Variants in CNTNAP2 observed in about 807,000 individuals in gnomAD.
The protein encoded by CNTNAP2 is contactin-associated protein-like 2.
In CNTNAP2, 98 loss-of-function variants were observed where a neutral mutation model predicts 155.2. That is an observed-to-expected ratio of 0.63 (90% CI 0.54 to 0.75). The LOEUF is 0.75. Ranked by LOEUF, CNTNAP2 falls within the 30% of genes least tolerant of loss-of-function variation. The pLI, the probability that CNTNAP2 is intolerant of heterozygous loss-of-function variation, is 0.00. For missense variants in CNTNAP2, 1,727 were observed against 1,688.1 expected, an observed-to-expected ratio of 1.02 and a Z score of -0.40; for synonymous variants, 651 against 631.2, an observed-to-expected ratio of 1.03 and a Z score of -0.47.
intron 3 of CNTNAP2, among the ~76,000 whole-genome samples, chr7:147,036,693 G>C (rs1799156655): frequency 6.6e-6 from 1 of 152,036 alleles, no homozygotes; most frequent in African/African-American, 2.4e-5. Flanking sequence ...CATTTTTTAT[G>C]TATCTGCAAA....
intron 13 of CNTNAP2, among the ~76,000 whole-genome samples, chr7:147,842,587 C>CTTTTTTTTTTT (rs3055146): frequency 8.3e-5 from 7 of 84,400 alleles, no homozygotes; most frequent in East Asian, 7.8e-4. Context: ...TTTTACTTTT[C>CTTTTTTTTTTT]TTTTTTTTTT....
intron 1 of CNTNAP2, among the ~76,000 whole-genome samples, chr7:146,670,970 T>G (rs1800293378): frequency 6.6e-6 from 1 of 152,108 alleles, no homozygotes; most frequent in African/African-American, 2.4e-5. Context: ...ACCTGTTCAC[T>G]TCAATAGTGG....
chr7:147,836,245 G>T (rs143037053), intron 13 of CNTNAP2, among the ~76,000 whole-genome samples: 1 of 152,016 alleles, frequency 6.6e-6, no homozygotes, highest in Non-Finnish European at 1.5e-5. Flanking sequence ...CACACGTAAC[G>T]GCTCCCCTAA....
At chr7:147,452,902 A>G (rs1024631773) in intron 10 of CNTNAP2, among the ~76,000 whole-genome samples, 1 of 151,814 alleles carries the variant, frequency 6.6e-6, no homozygotes, top group African/African-American at 2.4e-5. Context: ...CAAAGAATAT[A>G]AAGGAATGAG....
chr7:147,166,502 A>G (rs1166514847), intron 8 of CNTNAP2, among the ~76,000 whole-genome samples: 1 of 152,156 alleles, frequency 6.6e-6, no homozygotes, highest in East Asian at 1.9e-4. Context: ...GAACTTACTC[A>G]TGTACCAAAT....
chr7:146,812,827 G>C (rs1001524136), intron 2 of CNTNAP2, among the ~76,000 whole-genome samples: 6 of 152,160 alleles, frequency 3.9e-5, no homozygotes, highest in Non-Finnish European at 8.8e-5. Flanking sequence ...TCCTGGACTG[G>C]ACCCAGGGTC....
intron 14 of CNTNAP2, among the ~76,000 whole-genome samples, chr7:147,954,749 T>C (rs1800991252): frequency 6.6e-6 from 1 of 152,208 alleles, no homozygotes; most frequent in South Asian, 2.1e-4. Context: ...GTGTTCAGTA[T>C]CCAAAGTGTG....
chr7:146,343,326 T>G (rs1295272675), intron 1 of CNTNAP2, among the ~76,000 whole-genome samples: 1 of 152,164 alleles, frequency 6.6e-6, no homozygotes, highest in Non-Finnish European at 1.5e-5. Context: ...CAAGAGTGAC[T>G]TAATTTCACA....
At chr7:147,379,308 T>A (rs1486793564) in intron 9 of CNTNAP2, among the ~76,000 whole-genome samples, 5 of 152,104 alleles carry the variant, frequency 3.3e-5, no homozygotes, top group Admixed American at 3.3e-4. Context: ...TATTTCTCAA[T>A]CCCCAAATTT....
At chr7:146,644,387 G>A (rs1232988058) in intron 1 of CNTNAP2, among the ~76,000 whole-genome samples, 1 of 152,068 alleles carries the variant, frequency 6.6e-6, no homozygotes, top group Non-Finnish European at 1.5e-5. Flanking sequence ...TTTGTCAAAG[G>A]CCTGTTCTGC....
chr7:147,776,156 C>T (rs1480489600), intron 13 of CNTNAP2, among the ~76,000 whole-genome samples: 3 of 152,032 alleles, frequency 2.0e-5, no homozygotes, highest in Non-Finnish European at 4.4e-5. Flanking sequence ...TGATTTAAAA[C>T]AGTTGATCTC....
At chr7:147,678,900 A>T (rs1358642138) in intron 13 of CNTNAP2, among the ~76,000 whole-genome samples, 1 of 151,902 alleles carries the variant, frequency 6.6e-6, no homozygotes, top group Non-Finnish European at 1.5e-5. Context: ...TTTGGAAGAA[A>T]CTAAAAGAAA....
chr7:146,733,749 C>G (rs943289389), intron 1 of CNTNAP2, among the ~76,000 whole-genome samples: 1 of 151,922 alleles, frequency 6.6e-6, no homozygotes, highest in Non-Finnish European at 1.5e-5. Context: ...AGGAGCCAGA[C>G]AAGACTTGAG....
chr7:148,217,171 C>T (rs1795654347), intron 18 of CNTNAP2, 117 bp from the exon 19 acceptor site: 2 of 911,612 alleles, frequency 2.2e-6, no homozygotes, highest in Non-Finnish European at 1.8e-6. Flanking sequence ...ATAGAACTTA[C>T]TCAGATGCCC....
intron 15 of CNTNAP2, among the ~76,000 whole-genome samples, chr7:148,092,308 A>AATCC (rs1386781580): frequency 6.6e-6 from 1 of 152,172 alleles, no homozygotes; most frequent in Non-Finnish European, 1.5e-5. Flanking sequence ...ATCATACATC[A>AATCC]ATCCACACAG....
chr7:147,188,937 G>T (rs987419), intron 8 of CNTNAP2, among the ~76,000 whole-genome samples: 81,952 of 151,962 alleles, frequency 0.54, 22,587 homozygotes, highest in South Asian at 0.7. Context: ...GAAGCATTGT[G>T]TTGTTTTGCC....
intron 11 of CNTNAP2, among the ~76,000 whole-genome samples, chr7:147,544,311 A>G (rs1799691385): frequency 1.3e-5 from 2 of 152,202 alleles, no homozygotes. Flanking sequence ...AGCACATTTC[A>G]ATGGCCCCAG....
chr7:147,015,282 C>T (rs958174345), intron 3 of CNTNAP2, among the ~76,000 whole-genome samples: 7 of 152,048 alleles, frequency 4.6e-5, no homozygotes, highest in Non-Finnish European at 8.8e-5. Flanking sequence ...GTAAAATGGA[C>T]AGAGTAGGGT....
In CNTNAP2 at chr7:146,457,697, G is replaced by T. The variant is rs555107694; in HGVS notation, c.98-316574G>T. Among the ~76,000 whole-genome samples the T allele has an allele frequency of 8.6e-5, 13 of 150,866 alleles. No individual in the cohort carries two copies. In the South Asian group the frequency reaches 2.3e-3, roughly 27 times the overall value. On this transcript the variant is annotated intron_variant, in intron 1 of 23. Coordinates refer to ENST00000361727, the MANE Select transcript of CNTNAP2 (RefSeq NM_014141.6). The stretch of plus-strand genomic sequence containing the variant: ...TTTTTTTATTTTTAGTAGAGACTGG[G>T]TTTCACCGTGTTAGCAAGGATGGTC...
Sources: allele counts gnomAD v4.1 joint callset (sites outside exome capture counted in the v4.1 genomes callset), GRCh38; gene constraint gnomAD v4.1.1; transcripts MANE v1.5; gene names NCBI Gene and HGNC (gene_info 2026-07-23, HGNC 2026-07-21).